Variants in HS2ST1 observed in about 807,000 individuals in gnomAD.
HS2ST1 encodes the protein 2-O-sulfotransferase.
A neutral mutation model predicts 42.9 loss-of-function variants in HS2ST1; 18 were observed. That is an observed-to-expected ratio of 0.42 (90% CI 0.29 to 0.62). The LOEUF is 0.62. Among genes scored for constraint, HS2ST1 ranks in the 20% least tolerant of loss-of-function variants. The probability of loss-of-function intolerance (pLI) is 0.21; values close to 1 mark genes in which losing one functional copy is unlikely to be tolerated. For missense variants in HS2ST1, 334 were observed against 433.8 expected (o/e 0.77, Z 2.04); for synonymous variants, 146 against 152.9 (o/e 0.95, Z 0.33).
intron 1 of HS2ST1, among the ~76,000 whole-genome samples, chr1:87,055,534 T>A (rs975272236): frequency 3.9e-5 from 6 of 152,198 alleles, no homozygotes; most frequent in African/African-American, 1.2e-4. Context: ...TATCACTCTA[T>A]AAAATCTTGC....
chr1:87,096,291 A>G (rs545676733), intron 4 of HS2ST1, among the ~76,000 whole-genome samples: 1 of 152,292 alleles, frequency 6.6e-6, no homozygotes, highest in South Asian at 2.1e-4. Flanking sequence ...TATGTTTTAC[A>G]CTTTGAATGA....
intron 1 of HS2ST1, among the ~76,000 whole-genome samples, chr1:86,988,994 A>C (rs983805847): frequency 2.0e-5 from 3 of 152,228 alleles, no homozygotes; most frequent in African/African-American, 7.2e-5. Context: ...GGAAACGGTC[A>C]AAGACACCTT....
chr1:86,987,525 G>A (rs1263938279), intron 1 of HS2ST1, among the ~76,000 whole-genome samples: 1 of 152,178 alleles, frequency 6.6e-6, no homozygotes, highest in Non-Finnish European at 1.5e-5. Context: ...GCCTAAGGAG[G>A]TGATAATAAT....
At chr1:86,982,964 G>A (rs1648641825) in intron 1 of HS2ST1, among the ~76,000 whole-genome samples, 1 of 152,168 alleles carries the variant, frequency 6.6e-6, no homozygotes, top group Non-Finnish European at 1.5e-5. Context: ...AGGGACCTTT[G>A]CTTCAATATC....
intron 1 of HS2ST1, among the ~76,000 whole-genome samples, chr1:87,035,874 A>G (rs142623676): frequency 3.3e-5 from 5 of 151,584 alleles, no homozygotes; most frequent in African/African-American, 1.2e-4. Flanking sequence ...CAAAACCTGC[A>G]GGTTTGTTAC....
intron 3 of HS2ST1, among the ~76,000 whole-genome samples, chr1:87,090,366 CCTT>C (rs1392405737): frequency 1.3e-5 from 2 of 151,912 alleles, no homozygotes; most frequent in Non-Finnish European, 2.9e-5. Context: ...ACAGTACTGT[CCTT>C]CTTTTAAAAA....
At chr1:86,987,059 G>A (rs1648805790) in intron 1 of HS2ST1, among the ~76,000 whole-genome samples, 1 of 137,592 alleles carries the variant, frequency 7.3e-6, no homozygotes, top group Admixed American at 8.2e-5. Flanking sequence ...TTAAGGTTGT[G>A]ATAGCCAGGT....
At chr1:87,056,795 A>G (rs966235622) in intron 1 of HS2ST1, among the ~76,000 whole-genome samples, 3 of 152,192 alleles carry the variant, frequency 2.0e-5, no homozygotes, top group African/African-American at 4.8e-5. Context: ...TGACAGTGCA[A>G]AGTATATCAA....
intron 1 of HS2ST1, among the ~76,000 whole-genome samples, chr1:87,015,527 G>A (rs977313932): frequency 1.3e-5 from 2 of 151,046 alleles, no homozygotes; most frequent in Non-Finnish European, 2.9e-5. Context: ...CGTATTTTTA[G>A]TGGAGACAGG....
intron 1 of HS2ST1, among the ~76,000 whole-genome samples, chr1:86,943,125 A>G (rs1466486423): frequency 6.6e-6 from 1 of 152,218 alleles, no homozygotes; most frequent in African/African-American, 2.4e-5. Flanking sequence ...CTTTTAAAAA[A>G]AGTATTGGTT....
Position 87,041,236 on chromosome 1 carries a change from AAAAAC to A in HS2ST1, c.125-31693_125-31689del, listed in dbSNP as rs1290792080. On this transcript the variant is annotated intron_variant, in intron 1 of 6. Transcript: ENST00000370550. ...GACCTTGTCTCTACTAAAAAAAAAA[AAAAAC>A]AAAAAAAAAAAAAGTGTGCACCTGT... Among the ~76,000 whole-genome samples the A allele has an allele frequency of 5.6e-4, 55 of 98,484 alleles. 21 individuals carry two copies. Among genetic ancestry groups the A allele is most frequent in the East Asian group, 1.6e-3 (5 of 3,128 alleles). 64.6% of individuals were successfully genotyped at this position (98,484 alleles called of 152,430 possible).
intron 1 of HS2ST1, among the ~76,000 whole-genome samples, chr1:86,943,181 A>C (rs913706679): frequency 2.6e-5 from 4 of 152,208 alleles, no homozygotes; most frequent in African/African-American, 9.6e-5. Flanking sequence ...AATTAAGAGT[A>C]AGATATTTAG....
intron 1 of HS2ST1, among the ~76,000 whole-genome samples, chr1:86,961,892 C>T (rs969941254): frequency 2.1e-4 from 32 of 152,050 alleles, no homozygotes; most frequent in African/African-American, 1.4e-4. Flanking sequence ...TGGCTTCTTT[C>T]GTTTAACATA....
intron 1 of HS2ST1, among the ~76,000 whole-genome samples, chr1:87,062,668 C>A (rs1651145836): frequency 6.6e-6 from 1 of 152,054 alleles, no homozygotes; most frequent in Non-Finnish European, 1.5e-5. Context: ...AAGATTTCTT[C>A]TTTTATCTTT....
At chr1:87,101,737 C>T (rs1001452573) in intron 5 of HS2ST1, among the ~76,000 whole-genome samples, 3 of 152,186 alleles carry the variant, frequency 2.0e-5, no homozygotes, top group Non-Finnish European at 2.9e-5. Context: ...CAACCGCTGC[C>T]CATTACCCAG....
chr1:87,103,315 T>C, intron 5 of HS2ST1, 117 bp from the exon 6 acceptor site: 1 of 884,404 alleles, frequency 1.1e-6, no homozygotes. Flanking sequence ...AAAGAGGCAT[T>C]GAGGCTTTGG....
rs189786923 is a variant in HS2ST1, at chr1:86,973,934, T to C, written c.124+58774T>C. 5.5e-3 allele frequency among the ~76,000 whole-genome samples: 834 copies of C among 152,298 alleles called. 5 individuals are homozygous for C. Among genetic ancestry groups the C allele is most frequent in the South Asian group, 0.011 (55 of 4,826 alleles). ...AGAGCAATTTAAGAGTTTAAGTCTA[T>C]AGTTGTGACAGAGTAAGAAATATAT... On this transcript the variant is annotated intron_variant, in intron 1 of 6. Coordinates refer to ENST00000370550, the MANE Select transcript of HS2ST1 (RefSeq NM_012262.4).
chr1:87,010,616 G>A (rs929241999), intron 1 of HS2ST1, among the ~76,000 whole-genome samples: 2 of 151,888 alleles, frequency 1.3e-5, no homozygotes, highest in African/African-American at 4.8e-5. Flanking sequence ...ATTTTCATAT[G>A]TAGACTAATA....
In HS2ST1 at chr1:87,011,399, C is replaced by T. The variant is rs763978733; in HGVS notation, c.125-61535C>T. ...CTGGGACCACAGGTGCACACCACCA[C>T]ACCCAGCTAATTTTTTAATTTTTTT... On this transcript the variant is annotated intron_variant, in intron 1 of 6. Transcript: ENST00000370550. 2.0e-4 allele frequency among the ~76,000 whole-genome samples: 31 copies of T among 152,118 alleles called. 1 individual carries two copies. In the Middle Eastern group the frequency reaches 0.01, roughly 50 times the overall value.
Sources: gnomAD v4.1 joint callset for allele counts (sites outside exome capture counted in the v4.1 genomes callset) on GRCh38, gnomAD v4.1.1 for gene constraint, MANE v1.5 for transcripts, NCBI Gene and HGNC (gene_info 2026-07-23, HGNC 2026-07-21) for gene names.